MKRN2: variants seen among roughly 807,000 people sequenced by gnomAD.
The protein encoded by MKRN2 is makorin ring finger protein 2.
MKRN2 carries 32 observed loss-of-function variants against 45.4 expected under a neutral mutation model. The ratio of observed to expected loss-of-function variants is 0.70; its 90% CI spans 0.53 to 0.95. The LOEUF (loss-of-function observed/expected upper bound fraction) is 0.95, where lower values mean the gene tolerates loss of function less well. MKRN2 is among the 40% of genes least tolerant of loss of function. The probability of loss-of-function intolerance (pLI) is 0.00; values close to 1 mark genes in which losing one functional copy is unlikely to be tolerated. For synonymous variants in MKRN2, 206 were observed against 192.4 expected (o/e 1.07, Z -0.59); for missense variants, 526 against 536.7 (o/e 0.98, Z 0.20).
intron 6 of MKRN2, among the ~76,000 whole-genome samples, chr3:12,581,336 G>A (rs1046934571): frequency 6.6e-6 from 1 of 152,190 alleles, no homozygotes; most frequent in Non-Finnish European, 1.5e-5. Flanking sequence ...AAAACCCTCT[G>A]CTTTCCCTGT....
intron 1 of MKRN2, among the ~76,000 whole-genome samples, chr3:12,557,572 C>G (rs900175207): frequency 1.4e-4 from 22 of 152,202 alleles, no homozygotes; most frequent in African/African-American, 5.3e-4. Flanking sequence ...GGGGATACCA[C>G]ATAGGAGTAA....
At chr3:12,579,879 T>C (rs916307742) in intron 6 of MKRN2, among the ~76,000 whole-genome samples, 2 of 151,932 alleles carry the variant, frequency 1.3e-5, no homozygotes, top group Non-Finnish European at 2.9e-5. Context: ...GGAGGGCAGA[T>C]TGCTTAAGTC....
chr3:12,575,131 C>T (rs1196884292), intron 5 of MKRN2, 125 bp downstream of exon 5: 8 of 835,184 alleles, frequency 9.6e-6, no homozygotes, highest in Non-Finnish European at 1.9e-6. Context: ...CCCCTGGCTG[C>T]ATGAACTTCA....
At chr3:12,571,913 C>G (rs2058101866) in intron 3 of MKRN2, among the ~76,000 whole-genome samples, 156 bp from the exon 4 acceptor site, 1 of 151,330 alleles carries the variant, frequency 6.6e-6, no homozygotes, top group Non-Finnish European at 1.5e-5. Context: ...TTATACTATT[C>G]CTTTTATTTT....
In MKRN2 at chr3:12,557,098, G is replaced by C; in HGVS notation, c.-53G>C. The C allele has an allele frequency of 6.7e-7, 1 of 1,484,150 alleles. No individual in the cohort carries two copies. The highest frequency in any genetic ancestry group is 8.9e-7 in the Non-Finnish European group (1 of 1,119,522). The allele number at this position is 1,484,150 out of a possible 1,614,324, so 91.9% of individuals were successfully genotyped here. On this transcript the variant is annotated 5_prime_UTR_variant, in exon 1 of 8. Transcript: ENST00000170447. ...GCCGGGCCAGGGCCAAGGCCGAGGCGGCAGCGGCTGCGAGAGGCGGCGGCA... is the reference window on the plus strand; with the variant it reads ...GCCGGGCCAGGGCCAAGGCCGAGGCCGCAGCGGCTGCGAGAGGCGGCGGCA...
At chr3:12,567,496 T>G (rs867705985) in intron 1 of MKRN2, among the ~76,000 whole-genome samples, 1,597 of 148,138 alleles carry the variant, frequency 0.011, 27 homozygotes, top group African/African-American at 0.038. Flanking sequence ...TTTTTTTTTT[T>G]TTTTTTTTGA....
At chr3:12,563,641 C>T (rs2058052524) in intron 1 of MKRN2, among the ~76,000 whole-genome samples, 1 of 148,574 alleles carries the variant, frequency 6.7e-6, no homozygotes, top group Non-Finnish European at 1.5e-5. Context: ...AGGCACCTGC[C>T]ACCATGCCCG....
chr3:12,559,151 T>C (rs1360029019), intron 1 of MKRN2, among the ~76,000 whole-genome samples: 1 of 152,182 alleles, frequency 6.6e-6, no homozygotes, highest in Non-Finnish European at 1.5e-5. Flanking sequence ...CAAAAGGGTG[T>C]AAAGGAGTCA....
chr3:12,581,943 C>A lies in MKRN2; in HGVS notation c.1104C>A (p.Gly368=). ...CTCGGAAACAGCTCAGTTCTCAAGG[C>A]ACTGTGAGGGTAAGGACTTTAGCCA... is the stretch of plus-strand genomic sequence containing the variant. The part of the protein sequence containing the change: ...EKPRKQLSSQ[G]TVRFFNSVRL... The change falls in exon 7 of 8, where the codon GGC becomes GGA. Residue 368 remains glycine (G), a synonymous_variant. Coordinates refer to ENST00000170447, the MANE Select transcript of MKRN2 (RefSeq NM_014160.5). 6.2e-7 allele frequency: 1 copy of A among 1,614,090 alleles called. No individual in the cohort carries two copies.
chr3:12,564,921 A>G (rs747404470), intron 1 of MKRN2, among the ~76,000 whole-genome samples: 1 of 152,208 alleles, frequency 6.6e-6, no homozygotes, highest in East Asian at 1.9e-4. Flanking sequence ...AATGTTTTCA[A>G]GGTTCACCCA....
Position 12,576,189 on chromosome 3 carries a change from ATGTGTGTGTGTGTGTG to A in MKRN2, c.858-416_858-401del, listed in dbSNP as rs59197804. The stretch of plus-strand genomic sequence containing the variant: ...GTCTTTTTTGTTGAGGAAACCATAT[ATGTGTGTGTGTGTGTG>A]TGTGTGTGTGTGTGTGTGTGTGTGT... On this transcript the variant is annotated intron_variant, in intron 5 of 7. Transcript: ENST00000170447. Among the ~76,000 whole-genome samples the A allele has an allele frequency of 5.4e-4, 78 of 143,318 alleles. 1 individual carries two copies. Among genetic ancestry groups the A allele is most frequent in the African/African-American group, 9.5e-4 (37 of 38,762 alleles). 94.0% of individuals were successfully genotyped at this position (143,318 alleles called of 152,430 possible).
chr3:12,562,409 C>T (rs1480682966), intron 1 of MKRN2, among the ~76,000 whole-genome samples: 2 of 152,222 alleles, frequency 1.3e-5, no homozygotes, highest in Non-Finnish European at 2.9e-5. Flanking sequence ...CTGTGTAACT[C>T]TCTTCTGTGC....
chr3:12,576,195 G>A (rs1038272081), intron 5 of MKRN2, among the ~76,000 whole-genome samples: 109 of 123,434 alleles, frequency 8.8e-4, no homozygotes, highest in Admixed American at 3.0e-3. Flanking sequence ...ATATATGTGT[G>A]TGTGTGTGTG....
chr3:12,574,791 G>C lies in MKRN2; in HGVS notation c.643-1G>C. On this transcript the variant is annotated splice_acceptor_variant, in intron 4 of 7. Transcript: ENST00000170447. LOFTEE classifies it high-confidence loss of function. The stretch of plus-strand genomic sequence containing the variant: ...AGCCTTCCTTCCTGTCTGTGCTTCA[G>C]ATCTGCATGTTGACGTTCGAACACG... 1 of 1,612,508 alleles carries C rather than the reference G, an allele frequency of 6.2e-7. No homozygotes were observed. The highest frequency in any genetic ancestry group is 8.5e-7 in the Non-Finnish European group (1 of 1,179,478).
Position 12,582,714 on chromosome 3 carries a change from T to C in MKRN2, c.*461T>C, listed in dbSNP as rs2058193897. 6.3e-6 allele frequency: 1 copy of C among 158,288 alleles called. No homozygotes were observed. The highest frequency in any genetic ancestry group is 2.4e-5 in the African/African-American group (1 of 41,544). 9.8% of individuals were successfully genotyped at this position (158,288 alleles called of 1,614,324 possible). ...AGTGTATTTAGTGTGTCGTCAAAAT[T>C]TTGATTTATACAGAGCTTTCAAGAA... On this transcript the variant is annotated 3_prime_UTR_variant, in exon 8 of 8. Coordinates refer to ENST00000170447, the MANE Select transcript of MKRN2 (RefSeq NM_014160.5).
At chr3:12,566,342 G>T (rs1285943014) in intron 1 of MKRN2, among the ~76,000 whole-genome samples, 1 of 152,126 alleles carries the variant, frequency 6.6e-6, no homozygotes, top group African/African-American at 2.4e-5. Context: ...TCTGAAAGCA[G>T]TTGTTTCACA....
chr3:12,561,330 C>A (rs193264684), intron 1 of MKRN2, among the ~76,000 whole-genome samples: 1 of 152,110 alleles, frequency 6.6e-6, no homozygotes, highest in Admixed American at 6.5e-5. Flanking sequence ...GTATGGAAGG[C>A]GGAGGTAGAA....
At chr3:12,559,195 C>T (rs2058013658) in intron 1 of MKRN2, among the ~76,000 whole-genome samples, 1 of 152,144 alleles carries the variant, frequency 6.6e-6, no homozygotes, top group Non-Finnish European at 1.5e-5. Context: ...AAATAAAAAA[C>T]ATAACAGGTG....
intron 1 of MKRN2, among the ~76,000 whole-genome samples, chr3:12,564,285 G>A (rs555613324): frequency 1.2e-4 from 19 of 152,230 alleles, no homozygotes; most frequent in African/African-American, 4.3e-4. Context: ...GGAATTGCCG[G>A]ATCATATGGT....
Sources: gnomAD v4.1 joint callset for allele counts (sites outside exome capture counted in the v4.1 genomes callset) on GRCh38, gnomAD v4.1.1 for gene constraint, MANE v1.5 for transcripts, NCBI Gene and HGNC (gene_info 2026-07-23, HGNC 2026-07-21) for gene names.